The following NRXN1 variants were observed in gnomAD, a reference collection of about 807,000 sequenced individuals.
The protein encoded by NRXN1 is neurexin 1.
In NRXN1, 39 loss-of-function variants were observed where a neutral mutation model predicts 150.9. The observed-to-expected ratio is 0.26, with a 90% confidence interval of 0.20 to 0.34. The LOEUF (loss-of-function observed/expected upper bound fraction) is 0.34. Among genes scored for constraint, NRXN1 ranks in the 10% least tolerant of loss-of-function variants. The pLI is 1.00. For synonymous variants in NRXN1, 924 were observed against 757.0 expected (o/e 1.22, Z -3.62); for missense variants, 1,815 against 1,949.9 (o/e 0.93, Z 1.30).
chr2:50,907,931 C>T (rs1324662368), intron 5 of NRXN1, among the ~76,000 whole-genome samples: 3 of 152,086 alleles, frequency 2.0e-5, no homozygotes, highest in African/African-American at 4.8e-5. Context: ...AAAACTAATA[C>T]ACTACAATGT....
chr2:50,954,618 G>C (rs1691966535), intron 2 of NRXN1, among the ~76,000 whole-genome samples: 1 of 152,198 alleles, frequency 6.6e-6, no homozygotes, highest in Non-Finnish European at 1.5e-5. Flanking sequence ...TACGCAGTAG[G>C]CACAGTTCAA....
chr2:50,678,955 G>C (rs1559113322), intron 5 of NRXN1, among the ~76,000 whole-genome samples: 1 of 152,174 alleles, frequency 6.6e-6, no homozygotes, highest in South Asian at 2.1e-4. Flanking sequence ...TGAAGCATTA[G>C]AAATTCTAGG....
At chr2:50,329,237 A>T (rs2076584770) in intron 17 of NRXN1, among the ~76,000 whole-genome samples, 1 of 152,190 alleles carries the variant, frequency 6.6e-6, no homozygotes, top group Admixed American at 6.5e-5. Flanking sequence ...GGAACACATC[A>T]CTAGGTAATG....
intron 2 of NRXN1, among the ~76,000 whole-genome samples, chr2:50,938,507 C>T (rs565420960): frequency 6.6e-6 from 1 of 152,270 alleles, no homozygotes; most frequent in African/African-American, 2.4e-5. Flanking sequence ...CCGATTTCTG[C>T]CCGTTACCCA....
intron 18 of NRXN1, among the ~76,000 whole-genome samples, chr2:50,158,225 G>A (rs572052601): frequency 1.2e-4 from 18 of 151,614 alleles, no homozygotes; most frequent in African/African-American, 4.4e-4. Flanking sequence ...TGATAGATTT[G>A]TCTTTCTATA....
At chr2:50,827,197 C>T (rs998194405) in intron 5 of NRXN1, among the ~76,000 whole-genome samples, 1 of 152,092 alleles carries the variant, frequency 6.6e-6, no homozygotes, top group Non-Finnish European at 1.5e-5. Context: ...CTGTTGAGGT[C>T]GATGCGTATG....
chr2:50,602,423 G>C (rs72884098), intron 8 of NRXN1, among the ~76,000 whole-genome samples: 1,619 of 151,462 alleles, frequency 0.011, 29 homozygotes, highest in African/African-American at 0.037. Context: ...GCTTCATAGA[G>C]ATCCTCTATA....
intron 5 of NRXN1, among the ~76,000 whole-genome samples, chr2:50,754,474 T>C (rs1700959966): frequency 6.6e-6 from 1 of 151,850 alleles, no homozygotes; most frequent in Admixed American, 6.6e-5. Flanking sequence ...TACAAAATAT[T>C]ACGGAATGTA....
chr2:50,987,679 G>C (rs1319779772), intron 2 of NRXN1, among the ~76,000 whole-genome samples: 2 of 151,866 alleles, frequency 1.3e-5, no homozygotes, highest in Non-Finnish European at 2.9e-5. Flanking sequence ...TCTAATAAAG[G>C]ATGCATATGT....
At chr2:50,941,546 C>G (rs1474909272) in intron 2 of NRXN1, among the ~76,000 whole-genome samples, 2 of 152,180 alleles carry the variant, frequency 1.3e-5, no homozygotes, top group Admixed American at 6.5e-5. Flanking sequence ...GTAAAGGTCA[C>G]TCTTGCTATG....
intron 8 of NRXN1, among the ~76,000 whole-genome samples, chr2:50,556,683 A>G (rs1409121995): frequency 6.6e-6 from 1 of 152,140 alleles, no homozygotes; most frequent in Non-Finnish European, 1.5e-5. Flanking sequence ...ACCTTTGAGG[A>G]AAACAATCAC....
intron 8 of NRXN1, among the ~76,000 whole-genome samples, chr2:50,582,741 G>A (rs1174916783): frequency 6.6e-6 from 1 of 151,144 alleles, no homozygotes; most frequent in African/African-American, 2.4e-5. Context: ...TATGACAAAA[G>A]TACTACCTCA....
At chr2:50,639,259 C>A (rs531125695) in intron 5 of NRXN1, among the ~76,000 whole-genome samples, 1 of 135,298 alleles carries the variant, frequency 7.4e-6, no homozygotes, top group East Asian at 2.2e-4. Flanking sequence ...CTTGCTCTGT[C>A]ACCCAGGCTG....
chr2:49,947,589 T>C (rs1208424436), intron 21 of NRXN1, among the ~76,000 whole-genome samples: 2 of 149,916 alleles, frequency 1.3e-5, no homozygotes, highest in Non-Finnish European at 3.0e-5. Flanking sequence ...CTAGAACTCT[T>C]GGCCTCAAGC....
intron 18 of NRXN1, among the ~76,000 whole-genome samples, chr2:50,136,648 A>T (rs868611821): frequency 6.6e-6 from 1 of 152,200 alleles, no homozygotes; most frequent in Non-Finnish European, 1.5e-5. Context: ...TGCAACTTTA[A>T]GGCAAAAAGA....
At chr2:50,580,185 A>C (rs1486265737) in intron 8 of NRXN1, among the ~76,000 whole-genome samples, 1 of 152,206 alleles carries the variant, frequency 6.6e-6, no homozygotes, top group Non-Finnish European at 1.5e-5. Flanking sequence ...AAAAGAAAAC[A>C]GAAGTTGGAA....
At chr2:50,141,627 C>A (rs992846103) in intron 18 of NRXN1, among the ~76,000 whole-genome samples, 5 of 151,874 alleles carry the variant, frequency 3.3e-5, no homozygotes, top group Non-Finnish European at 7.4e-5. Context: ...CAAATAAACA[C>A]GTTAAAGAGT....
At chr2:50,874,725 A>T (rs1404642302) in intron 5 of NRXN1, among the ~76,000 whole-genome samples, 1 of 151,818 alleles carries the variant, frequency 6.6e-6, no homozygotes, top group Non-Finnish European at 1.5e-5. Flanking sequence ...TAACAGAAAA[A>T]AGTTGAATCT....
intron 5 of NRXN1, among the ~76,000 whole-genome samples, chr2:50,650,974 T>A (rs1685528709): frequency 6.6e-6 from 1 of 152,066 alleles, no homozygotes; most frequent in Non-Finnish European, 1.5e-5. Flanking sequence ...AATATAAACC[T>A]GTTTTTCAGT....
Sources: gnomAD v4.1 joint callset for allele counts (sites outside exome capture counted in the v4.1 genomes callset) on GRCh38, gnomAD v4.1.1 for gene constraint, MANE v1.5 for transcripts, NCBI Gene and HGNC (gene_info 2026-07-23, HGNC 2026-07-21) for gene names.